MARVELD3: variants seen among roughly 807,000 people sequenced by gnomAD.
The protein encoded by MARVELD3 is MARVEL domain containing 3.
Under a neutral mutation model 33.5 loss-of-function variants are expected in MARVELD3, and 28 were observed. The ratio of observed to expected loss-of-function variants is 0.84; its 90% confidence interval spans 0.62 to 1.15. MARVELD3 has a LOEUF of 1.15. MARVELD3 is among the 50% of genes most tolerant of loss of function. The probability of loss-of-function intolerance (pLI) is 0.00; values close to 1 mark genes in which losing one functional copy is unlikely to be tolerated. For missense variants in MARVELD3, 582 were observed against 547.6 expected (o/e 1.06, Z -0.63); for synonymous variants, 241 against 230.4 (o/e 1.05, Z -0.42).
chr16:71,639,503 G>A (rs563482718), downstream of MARVELD3, among the ~76,000 whole-genome samples: 1 of 142,928 alleles, frequency 7.0e-6, no homozygotes, highest in African/African-American at 2.6e-5. Flanking sequence ...CTGGAGTGCA[G>A]TGGCATGATC....
In MARVELD3 at chr16:71,627,276, G is replaced by A. The variant is rs185638730; in HGVS notation, c.467+580G>A. Among the ~76,000 whole-genome samples the A allele has an allele frequency of 4.3e-3, 656 of 152,360 alleles. 11 individuals are homozygous for A. The highest frequency in any genetic ancestry group is 0.015 in the African/African-American group (636 of 41,592). On this transcript the variant is annotated intron_variant, in intron 1 of 2. Coordinates refer to ENST00000268485, the MANE Select transcript of MARVELD3 (RefSeq NM_052858.6). ...CCAACACTTTGGGAGGCCGAGGCGG[G>A]CGGATCACCTGAGGCCAGGAGTTCG...
rs1861416206 is a variant in MARVELD3 at position 71,635,520 on chromosome 16, T to C, written c.*717T>C. 18 of 984,292 alleles carry C rather than the reference T, an allele frequency of 1.8e-5. No homozygotes were observed. Among genetic ancestry groups the C allele is most frequent in the South Asian group, 4.7e-5 (1 of 21,240 alleles). 61.0% of individuals were successfully genotyped at this position (984,292 alleles called of 1,614,324 possible). On this transcript the variant is annotated 3_prime_UTR_variant, in exon 3 of 3. Coordinates refer to ENST00000268485, the MANE Select transcript of MARVELD3 (RefSeq NM_052858.6). ...GCTTTGGGAGGCTGAGGTAGGAGGA[T>C]TGCTTGAACCCAGGAGTTCAAGTTT...
In MARVELD3 at chr16:71,635,456, A is replaced by G; in HGVS notation, c.*653A>G. The G allele has an allele frequency of 1.0e-6, 1 of 984,954 alleles. No individual in the cohort carries two copies. The highest frequency in any genetic ancestry group is 4.7e-5 in the South Asian group (1 of 21,238). The allele number at this position is 984,954 out of a possible 1,614,324, so 61.0% of individuals were successfully genotyped here. A position where few individuals can be genotyped will look rare whatever the true frequency, so the allele number is the denominator to read the frequency against. On this transcript the variant is annotated 3_prime_UTR_variant, in exon 3 of 3. Coordinates refer to ENST00000268485, the MANE Select transcript of MARVELD3 (RefSeq NM_052858.6). ...GAGAATTTGATGAACCTTACCTTCAAAGTTCCTGGGCACAGTGGCTCACAC... is the reference window on the plus strand; with the variant it reads ...GAGAATTTGATGAACCTTACCTTCAGAGTTCCTGGGCACAGTGGCTCACAC...
intron 2 of MARVELD3, among the ~76,000 whole-genome samples, chr16:71,632,621 C>T (rs6499527): frequency 0.88 from 133,010 of 150,424 alleles, 58,937 homozygotes; most frequent in East Asian, 0.99. Context: ...ATTTATTTAT[C>T]TTTTTTTTGA....
chr16:71,639,331 A>G (rs2044601712), downstream of MARVELD3: 1 of 151,804 alleles, frequency 6.6e-6, no homozygotes, highest in Non-Finnish European at 1.5e-5. Flanking sequence ...TCGGCCTCCC[A>G]AAGTGCTGGG....
At chr16:71,640,241 TG>T, downstream of MARVELD3, 3 of 880,676 alleles carry the variant, frequency 3.4e-6, no homozygotes, top group Non-Finnish European at 5.1e-6. Context: ...CACTCCAGCC[TG>T]GATGACAGAG....
downstream of MARVELD3, chr16:71,640,881 T>G: frequency 6.2e-7 from 1 of 1,614,178 alleles, no homozygotes; most frequent in Non-Finnish European, 8.5e-7. Flanking sequence ...AGCAGCCACC[T>G]TTGCTTGTCT....
downstream of MARVELD3, chr16:71,640,676 G>A (rs763430420): frequency 2.5e-6 from 4 of 1,614,136 alleles, no homozygotes; most frequent in South Asian, 3.3e-5. Flanking sequence ...GTCGAACAAT[G>A]TTGTCAGGGA....
intron 1 of MARVELD3, 165 bp from the exon 2 acceptor site, chr16:71,629,202 C>A: frequency 1.4e-6 from 1 of 713,470 alleles, no homozygotes. Flanking sequence ...TTGGATGTCC[C>A]GTGGGGCCAC....
downstream of MARVELD3, chr16:71,640,503 G>A: frequency 6.2e-7 from 1 of 1,614,092 alleles, no homozygotes; most frequent in Non-Finnish European, 8.5e-7. Context: ...CGGTGGCTTT[G>A]GGAACAACTA....
chr16:71,641,623 C>A (rs1224502129), exon 3 of MARVELD3: 1 of 152,910 alleles, frequency 6.5e-6, no homozygotes, highest in African/African-American at 2.4e-5. Flanking sequence ...GTGGTGAACG[C>A]CTGTAATCCC....
Position 71,634,684 on chromosome 16 carries a change from G to A in MARVELD3, c.1087G>A (p.Ala363Thr), listed in dbSNP as rs773201185. 6.2e-6 allele frequency: 10 copies of A among 1,614,134 alleles called. No homozygotes were observed. In the African/African-American group the frequency reaches 8.0e-5, roughly 13 times the overall value. Residue 363 changes from alanine to threonine, a missense_variant, in exon 3 of 3, where the codon GCT becomes ACT. Coordinates refer to ENST00000268485, the MANE Select transcript of MARVELD3 (RefSeq NM_052858.6). ...GCSFHGADIG[A>T]GIFAALGIVV... ...CAGTTTCCACGGAGCAGATATAGGA[G>A]CTGGAATCTTTGCTGCCCTGGGCAT...
rs893378178 is a variant in MARVELD3, at chr16:71,636,308, A to AAT, written c.*1515_*1516dup. 6.6e-5 allele frequency: 17 copies of AAT among 258,298 alleles called. No individual in the cohort carries two copies. Among genetic ancestry groups the AAT allele is most frequent in the Non-Finnish European group, 9.1e-5 (15 of 165,028 alleles). 16.0% of individuals were successfully genotyped at this position (258,298 alleles called of 1,614,324 possible). ...AGTTCCATTTGAGTTTAGAAAAGGA[A>AAT]ATATATATATACATGCTTGTATATG... On this transcript the variant is annotated 3_prime_UTR_variant, in exon 3 of 3. Coordinates refer to ENST00000268485, the MANE Select transcript of MARVELD3 (RefSeq NM_052858.6).
intron 2 of MARVELD3, among the ~76,000 whole-genome samples, chr16:71,632,085 A>G (rs1322213920): frequency 6.6e-6 from 1 of 152,224 alleles, no homozygotes; most frequent in South Asian, 2.1e-4. Context: ...TTCCATTAAC[A>G]TGATATTCTA....
chr16:71,627,503 CAAAA>C (rs527720211), intron 1 of MARVELD3, among the ~76,000 whole-genome samples: 1 of 100,436 alleles, frequency 1.0e-5, no homozygotes, highest in Non-Finnish European at 2.1e-5. Context: ...GACTCCGTCT[CAAAA>C]AAAAAAAAAA....
intron 1 of MARVELD3, 78 bp from the exon 2 acceptor site, chr16:71,629,289 C>G (rs144276673): frequency 1.4e-6 from 2 of 1,426,492 alleles, no homozygotes; most frequent in African/African-American, 3.0e-5. Flanking sequence ...GGGCCCAGCA[C>G]GAGGAGTCAA....
At position 71,634,612 on chromosome 16, in the gene MARVELD3, G is replaced by A. The variant is rs761535643; in HGVS notation, c.1015G>A (p.Glu339Lys). 13 of 1,614,062 alleles carry A rather than the reference G, an allele frequency of 8.1e-6. No individual in the cohort carries two copies. Among genetic ancestry groups the A allele is most frequent in the Admixed American group, 3.3e-5 (2 of 60,000 alleles). ...TGCCTATGGCTCTCCTGTGTGTAAA[G>A]AGAGGCAGGCGCTGTACCAAAGCAA... ...SAAYGSPVCKERQALYQSKGY... is the reference protein window; with the variant it reads ...SAAYGSPVCKKRQALYQSKGY... Residue 339 changes from glutamate to lysine, a missense_variant, in exon 3 of 3, where the codon GAG becomes AAG. Physicochemically the swap from Glu to Lys is moderately conservative, Grantham distance 56. Coordinates refer to ENST00000268485, the MANE Select transcript of MARVELD3 (RefSeq NM_052858.6).
Position 71,635,999 on chromosome 16 carries a change from T to C in MARVELD3, c.*1196T>C, listed in dbSNP as rs2044578936. On this transcript the variant is annotated 3_prime_UTR_variant, in exon 3 of 3. Transcript: ENST00000268485. ...TCAGGATTCATCCAGAATAAAAGGA[T>C]GTAAAATCTTTCCCAACAGAAGAGT... 2.1e-5 allele frequency: 21 copies of C among 985,346 alleles called. No individual in the cohort carries two copies. Among genetic ancestry groups the C allele is most frequent in the Non-Finnish European group, 2.4e-5 (20 of 829,944 alleles). 61.0% of individuals were successfully genotyped at this position (985,346 alleles called of 1,614,324 possible).
At chr16:71,628,826 G>A (rs980589013) in intron 1 of MARVELD3, among the ~76,000 whole-genome samples, 3 of 152,080 alleles carry the variant, frequency 2.0e-5, no homozygotes, top group African/African-American at 7.2e-5. Context: ...TTGAATCTTG[G>A]ACAAAGCCCA....
Sources: allele counts gnomAD v4.1 joint callset (sites outside exome capture counted in the v4.1 genomes callset), GRCh38; gene constraint gnomAD v4.1.1; transcripts MANE v1.5; gene names NCBI Gene and HGNC (gene_info 2026-07-23, HGNC 2026-07-21).